Variants in DGKB observed in about 807,000 individuals in gnomAD.
The protein encoded by DGKB is 90 kDa diacylglycerol kinase.
In DGKB, 67 loss-of-function variants were observed where a neutral mutation model predicts 114.3. The ratio of observed to expected loss-of-function variants is 0.59; its 90% CI spans 0.48 to 0.72. The LOEUF (loss-of-function observed/expected upper bound fraction) is 0.72. Among genes scored for constraint, DGKB ranks in the 30% least tolerant of loss-of-function variants. DGKB has a pLI of 0.00. For synonymous variants in DGKB, 398 were observed against 323.1 expected, an observed-to-expected ratio of 1.23 and a Z score of -2.49; for missense variants, 907 against 975.2, an observed-to-expected ratio of 0.93 and a Z score of 0.93.
At chr7:14,498,508 G>A (rs894519888) in intron 20 of DGKB, among the ~76,000 whole-genome samples, 3 of 151,738 alleles carry the variant, frequency 2.0e-5, no homozygotes, top group Non-Finnish European at 3.0e-5. Context: ...TGTTAATGCT[G>A]AACAGGAGTA....
rs182875487 is a variant in DGKB at position 14,735,459 on chromosome 7, T to C, written c.322+582A>G. The stretch of plus-strand genomic sequence containing the variant: ...GCTTAACCAATTACACTGTTTTACA[T>C]TGGGTAATACAGTGAAATCTCTGTT... On this transcript the variant is annotated intron_variant, in intron 5 of 25. Transcript: ENST00000402815. Among the ~76,000 whole-genome samples, 75 of 152,302 alleles carry C rather than the reference T, an allele frequency of 4.9e-4. 1 individual carries two copies. Among genetic ancestry groups the C allele is most frequent in the African/African-American group, 1.5e-3 (64 of 41,560 alleles).
intron 21 of DGKB, among the ~76,000 whole-genome samples, chr7:14,387,298 A>T (rs1563076745): frequency 6.7e-6 from 1 of 149,578 alleles, no homozygotes; most frequent in African/African-American, 2.5e-5. Flanking sequence ...CTGTAATCCC[A>T]CCTACTCAGG....
At chr7:14,362,440 A>C (rs58245864) in intron 21 of DGKB, among the ~76,000 whole-genome samples, 76,800 of 151,882 alleles carry the variant, frequency 0.51, 20,993 homozygotes, top group African/African-American at 0.72. Context: ...TCATTCATTC[A>C]ACAAGTATTT....
intron 16 of DGKB, among the ~76,000 whole-genome samples, chr7:14,608,246 G>T (rs144350932): frequency 6.6e-6 from 1 of 151,988 alleles, no homozygotes; most frequent in African/African-American, 2.4e-5. Context: ...ACCACAATCA[G>T]TTAGGCATTA....
At chr7:14,748,005 A>G (rs1050368511) in intron 4 of DGKB, among the ~76,000 whole-genome samples, 11 of 152,156 alleles carry the variant, frequency 7.2e-5, no homozygotes, top group Non-Finnish European at 4.4e-5. Context: ...TTGTTTTTAA[A>G]TCCCTGTTAA....
intron 23 of DGKB, among the ~76,000 whole-genome samples, chr7:14,324,005 C>T (rs1808289290): frequency 1.3e-5 from 2 of 152,090 alleles, no homozygotes; most frequent in African/African-American, 4.8e-5. Flanking sequence ...TTTGTCCATC[C>T]TACACAATTC....
intron 2 of DGKB, among the ~76,000 whole-genome samples, chr7:14,793,732 G>T (rs1472232509): frequency 6.6e-6 from 1 of 151,908 alleles, no homozygotes; most frequent in African/African-American, 2.4e-5. Context: ...CATCTGTGAT[G>T]GTTGGTTTTG....
At chr7:14,292,429 C>T (rs1035619103) in intron 23 of DGKB, among the ~76,000 whole-genome samples, 8 of 152,152 alleles carry the variant, frequency 5.3e-5, no homozygotes, top group African/African-American at 1.9e-4. Flanking sequence ...GTCAGCTGAA[C>T]TGTATCTGCT....
chr7:14,718,560 G>C lies in DGKB; in HGVS notation c.448C>G (p.Pro150Ala). 6.2e-7 allele frequency: 1 copy of C among 1,612,044 alleles called. No individual in the cohort carries two copies. Among genetic ancestry groups the C allele is most frequent in the Non-Finnish European group, 8.5e-7 (1 of 1,179,150 alleles). ...CACATACACTCAAGCTTATCCTCAG[G>C]TCTTCCTCTTTCAAGCAGAGACAGG... ...CYLSLLERGR[P>A]EDKLEFMFRL... is the part of the protein sequence containing the mutation. The change falls in exon 6 of 26, where the codon CCT (proline) becomes GCT (alanine). Residue 150 changes from proline (P) to alanine (A), a missense_variant. Pro to Ala is a conservative substitution (Grantham distance 27). Transcript: ENST00000402815.
At chr7:14,811,006 G>T (rs773792041) in intron 2 of DGKB, among the ~76,000 whole-genome samples, 1 of 152,088 alleles carries the variant, frequency 6.6e-6, no homozygotes, top group South Asian at 2.1e-4. Context: ...TGTGTGGCTA[G>T]TGGCTACCAT....
intron 23 of DGKB, among the ~76,000 whole-genome samples, chr7:14,261,246 G>A (rs555837486): frequency 3.2e-4 from 45 of 139,726 alleles, no homozygotes; most frequent in Admixed American, 9.3e-4. Context: ...TCATTTCAGT[G>A]AAAAAAAAAA....
Position 14,911,748 on chromosome 7 carries a change from T to G in DGKB, c.-188+62948A>C, listed in dbSNP as rs573568108. Among the ~76,000 whole-genome samples the G allele has an allele frequency of 2.6e-5, 4 of 152,310 alleles. No homozygotes were observed. In the East Asian group the frequency reaches 7.7e-4, roughly 29 times the overall value. Reference sequence around the variant, plus strand: ...GCATCTGGGTACTATGATCCAAAACTGCAAAACTGCGACAACGCTGTTTCA... The same window carrying G: ...GCATCTGGGTACTATGATCCAAAACGGCAAAACTGCGACAACGCTGTTTCA... On this transcript the variant is annotated intron_variant, in intron 1 of 4. Transcript: ENST00000437998.
chr7:14,411,055 G>A (rs540254096), intron 21 of DGKB, among the ~76,000 whole-genome samples: 1 of 152,202 alleles, frequency 6.6e-6, no homozygotes, highest in East Asian at 1.9e-4. Context: ...GCTGCGCAGT[G>A]GCAGGTTTCT....
chr7:14,218,885 C>G (rs1447103167), intron 23 of DGKB, among the ~76,000 whole-genome samples: 1 of 151,770 alleles, frequency 6.6e-6, no homozygotes, highest in African/African-American at 2.4e-5. Flanking sequence ...AACCCTGTAT[C>G]TTTTAGATAT....
At chr7:14,594,346 C>CAT (rs10677930) in intron 17 of DGKB, among the ~76,000 whole-genome samples, 2,608 of 151,870 alleles carry the variant, frequency 0.017, 80 homozygotes, top group African/African-American at 0.058. Context: ...TACTGATATG[C>CAT]ATATATATAT....
chr7:14,556,894 A>C (rs1256243144), intron 20 of DGKB, among the ~76,000 whole-genome samples: 1 of 152,184 alleles, frequency 6.6e-6, no homozygotes, highest in African/African-American at 2.4e-5. Context: ...AATTTTGTTA[A>C]AATATAAAAA....
intron 21 of DGKB, among the ~76,000 whole-genome samples, chr7:14,347,609 G>T (rs1812699504): frequency 6.6e-6 from 1 of 151,850 alleles, no homozygotes. Flanking sequence ...GGTTATCAGG[G>T]GTCAAGAATT....
chr7:14,534,211 G>T (rs1204026046), intron 20 of DGKB, among the ~76,000 whole-genome samples: 1 of 152,032 alleles, frequency 6.6e-6, no homozygotes, highest in African/African-American at 2.4e-5. Flanking sequence ...TACAGTTAAA[G>T]AAAAGTTGTT....
intron 1 of DGKB, among the ~76,000 whole-genome samples, chr7:14,886,155 A>C (rs1855017821): frequency 6.6e-6 from 1 of 151,892 alleles, no homozygotes; most frequent in African/African-American, 2.4e-5. Context: ...GCAGAAATTG[A>C]AAGAAAAGGA....
Sources: gnomAD v4.1 joint callset for allele counts (sites outside exome capture counted in the v4.1 genomes callset) on GRCh38, gnomAD v4.1.1 for gene constraint, MANE v1.5 for transcripts, NCBI Gene and HGNC (gene_info 2026-07-23, HGNC 2026-07-21) for gene names.